Variants in SGCD observed in about 807,000 individuals in gnomAD.
SGCD encodes sarcoglycan delta.
SGCD carries 18 observed loss-of-function variants against 36.6 expected under a neutral mutation model. The observed-to-expected ratio is 0.49, with a 90% CI of 0.34 to 0.73. SGCD has a LOEUF of 0.73. Ranked by LOEUF, SGCD falls within the 30% of genes least tolerant of loss-of-function variation. The pLI is 0.01. For missense variants in SGCD, 387 were observed against 346.7 expected (o/e 1.12, Z -0.92); for synonymous variants, 133 against 130.6 (o/e 1.02, Z -0.12).
At chr5:155,997,798 G>A (rs1320350189) in intron 1 of SGCD, among the ~76,000 whole-genome samples, 1 of 152,202 alleles carries the variant, frequency 6.6e-6, no homozygotes, top group East Asian at 1.9e-4. Context: ...TATCAAAAAT[G>A]TATCTACCTC....
At chr5:155,821,036 A>G in the SGCD span, among the ~76,000 whole-genome samples, 2 of 152,208 alleles carry the variant, frequency 1.3e-5, no homozygotes, top group African/African-American at 4.8e-5. Flanking sequence ...AGAGTACTCA[A>G]TAAATCTTAA....
rs373889967 is a variant in SGCD, at chr5:156,661,884, T to C, written c.575+14348T>C. 0.01 allele frequency among the ~76,000 whole-genome samples: 1,544 copies of C among 149,830 alleles called. No individual in the cohort carries two copies. In the East Asian group the frequency reaches 0.13, roughly 13 times the overall value. On this transcript the variant is annotated intron_variant, in intron 7 of 8. Transcript: ENST00000337851. ...GATTAATGTAGCTATTTGATCCAAG[T>C]ACAATGTAAAAGTCTTAACTGTACT...
chr5:156,331,903 G>T (rs942814037), intron 2 of SGCD, among the ~76,000 whole-genome samples: 5 of 152,140 alleles, frequency 3.3e-5, no homozygotes, highest in African/African-American at 7.2e-5. Context: ...CATTCCTATC[G>T]TTACCTATGG....
At chr5:155,791,583 A>G in the SGCD span, among the ~76,000 whole-genome samples, 2 of 152,312 alleles carry the variant, frequency 1.3e-5, no homozygotes, top group South Asian at 2.1e-4. Context: ...AAATCAATGT[A>G]CAAAAATCAG....
intron 4 of SGCD, among the ~76,000 whole-genome samples, chr5:156,582,548 G>A (rs1474600049): frequency 6.6e-6 from 1 of 152,100 alleles, no homozygotes; most frequent in Non-Finnish European, 1.5e-5. Flanking sequence ...CTCTTGGGTT[G>A]GATATTGAGG....
intron 3 of SGCD, among the ~76,000 whole-genome samples, chr5:156,501,288 C>T (rs181534315): frequency 2.0e-5 from 3 of 152,250 alleles, no homozygotes; most frequent in African/African-American, 7.2e-5. Context: ...AGACAGGAAA[C>T]CCCACTGCAG....
chr5:155,840,411 A>T, the SGCD span, among the ~76,000 whole-genome samples: 6 of 138,936 alleles, frequency 4.3e-5, no homozygotes, highest in East Asian at 4.3e-4. Context: ...GCCCAGCTAA[A>T]TTTTTTTTTT....
At chr5:156,274,031 C>T (rs931084544) in intron 3 of SGCD, among the ~76,000 whole-genome samples, 5 of 152,170 alleles carry the variant, frequency 3.3e-5, no homozygotes, top group African/African-American at 9.6e-5. Context: ...CCATTTGCAT[C>T]CCCAGGGGGC....
At chr5:156,090,425 C>T (rs115314930) in intron 1 of SGCD, among the ~76,000 whole-genome samples, 3,064 of 152,072 alleles carry the variant, frequency 0.02, 44 homozygotes, top group Non-Finnish European at 0.034. Context: ...ATGGCGACCT[C>T]GAGCTGCAAA....
chr5:156,411,723 A>G (rs778192036), intron 3 of SGCD, among the ~76,000 whole-genome samples: 1 of 152,230 alleles, frequency 6.6e-6, no homozygotes, highest in Non-Finnish European at 1.5e-5. Context: ...TATTCTTCTG[A>G]CCCAGAGAGG....
At chr5:155,944,782 C>T (rs759293362) in intron 1 of SGCD, among the ~76,000 whole-genome samples, 46 of 152,132 alleles carry the variant, frequency 3.0e-4, no homozygotes, top group Admixed American at 2.0e-3. Context: ...TTTCCAACTT[C>T]GGGTCATATT....
At chr5:155,922,273 T>A (rs1182911943) in intron 1 of SGCD, among the ~76,000 whole-genome samples, 1 of 152,112 alleles carries the variant, frequency 6.6e-6, no homozygotes, top group African/African-American at 2.4e-5. Flanking sequence ...ATGAATTGTC[T>A]CTTGACACCA....
intron 3 of SGCD, among the ~76,000 whole-genome samples, chr5:156,266,674 G>A (rs1766006583): frequency 6.6e-6 from 1 of 151,806 alleles, no homozygotes; most frequent in South Asian, 2.1e-4. Flanking sequence ...GTAGAGAAGG[G>A]GCTATGTTTC....
chr5:155,841,010 CAAA>C, the SGCD span, among the ~76,000 whole-genome samples: 4 of 61,078 alleles, frequency 6.5e-5, no homozygotes, highest in East Asian at 1.3e-3. Flanking sequence ...GACTCCATCT[CAAA>C]AAAAAAAAAA....
At chr5:156,099,724 C>A (rs1173186989) in intron 1 of SGCD, among the ~76,000 whole-genome samples, 1 of 151,992 alleles carries the variant, frequency 6.6e-6, no homozygotes, top group Non-Finnish European at 1.5e-5. Context: ...CTATTTAATC[C>A]TTTACTAGCA....
intron 3 of SGCD, among the ~76,000 whole-genome samples, chr5:156,422,292 A>G (rs1773346293): frequency 6.6e-6 from 1 of 152,086 alleles, no homozygotes; most frequent in Non-Finnish European, 1.5e-5. Context: ...ATCAATTTCC[A>G]TCAGAATGAT....
intron 3 of SGCD, among the ~76,000 whole-genome samples, chr5:156,371,045 T>A (rs1377527357): frequency 6.6e-6 from 1 of 152,192 alleles, no homozygotes; most frequent in Non-Finnish European, 1.5e-5. Context: ...TTTCTATTTT[T>A]ACTCTACCCT....
chr5:156,581,684 C>T (rs761136174), intron 4 of SGCD, among the ~76,000 whole-genome samples: 14 of 152,314 alleles, frequency 9.2e-5, no homozygotes, highest in Middle Eastern at 3.4e-3. Flanking sequence ...CAGACTGCTG[C>T]GCTAGCAGTG....
the SGCD span, among the ~76,000 whole-genome samples, chr5:155,838,775 CAAAAAAAA>C: frequency 8.5e-6 from 1 of 118,320 alleles, no homozygotes; most frequent in Admixed American, 8.5e-5. Flanking sequence ...AAGAGATTTG[CAAAAAAAA>C]AAAAAAAAAC....
Sources: gnomAD v4.1 joint callset for allele counts (sites outside exome capture counted in the v4.1 genomes callset) on GRCh38, gnomAD v4.1.1 for gene constraint, MANE v1.5 for transcripts, NCBI Gene and HGNC (gene_info 2026-07-23, HGNC 2026-07-21) for gene names.